RPAP1: variants seen among roughly 807,000 people sequenced by gnomAD.
The protein encoded by RPAP1 is RNA polymerase II associated protein 1.
RPAP1 carries 109 observed loss-of-function variants against 142.4 expected under a neutral mutation model. The observed-to-expected ratio is 0.77, with a 90% CI of 0.66 to 0.90. The LOEUF (loss-of-function observed/expected upper bound fraction) is 0.90. Among genes scored for constraint, RPAP1 ranks in the 40% least tolerant of loss-of-function variants. The pLI, the probability that RPAP1 is intolerant of heterozygous loss-of-function variation, is 0.00. For missense variants in RPAP1, 1,546 were observed against 1,751.7 expected (o/e 0.88, Z 2.10); for synonymous variants, 704 against 738.9 (o/e 0.95, Z 0.77).
rs1220704217 is a variant in RPAP1 at position 41,523,810 on chromosome 15, C to A, written c.2397G>T (p.Leu799=). Residue 799 remains leucine (L), a synonymous_variant, in exon 17 of 25, where the codon CTG becomes CTT. Transcript: ENST00000304330. ...RAVGPVPVAC[L]LFLGAYYQAW... is the part of the protein sequence containing the mutation. ...CCTGGTAGTAGGCTCCCAGGAACAA[C>A]AGGCAGGCAACGGGCACTGGGCCCA... 4 of 1,608,806 alleles carry A rather than the reference C, an allele frequency of 2.5e-6. No homozygotes were observed. The highest frequency in any genetic ancestry group is 1.1e-5 in the South Asian group (1 of 89,898).
Position 41,522,116 on chromosome 15 carries a change from G to C in RPAP1, c.2877C>G (p.Leu959=). 1.2e-6 allele frequency: 2 copies of C among 1,613,676 alleles called. No individual in the cohort carries two copies. Among genetic ancestry groups the C allele is most frequent in the Non-Finnish European group, 1.7e-6 (2 of 1,179,956 alleles). ...RHEYHLQYLA[L]ALAQKAAALQ... The stretch of plus-strand genomic sequence containing the variant: ...GACCTACCGCTTTCTGGGCCAGAGC[G>C]AGTGCCAGGTACTGCAGGTGGTACT... The change falls in exon 20 of 25, where the codon CTC becomes CTG. Residue 959 remains leucine (L), a synonymous_variant. Transcript: ENST00000304330.
At chr15:41,526,850 A>C in intron 14 of RPAP1, 48 bp downstream of exon 14, 1 of 1,538,860 alleles carries the variant, frequency 6.5e-7, no homozygotes, top group Non-Finnish European at 8.8e-7. Context: ...CTCCCAACCC[A>C]ACCCTGTCCC....
intron 17 of RPAP1, among the ~76,000 whole-genome samples, 192 bp downstream of exon 17, chr15:41,523,579 C>A (rs929340036): frequency 2.6e-5 from 4 of 152,188 alleles, no homozygotes; most frequent in African/African-American, 9.7e-5. Flanking sequence ...TCTCTGGTCC[C>A]CACCAACATG....
At chr15:41,526,178 G>A (rs2051788370) in intron 14 of RPAP1, among the ~76,000 whole-genome samples, 1 of 152,150 alleles carries the variant, frequency 6.6e-6, no homozygotes, top group Non-Finnish European at 1.5e-5. Flanking sequence ...TCGAACTCCT[G>A]ACCTCAAGTG....
chr15:41,537,098 A>C lies in RPAP1; in HGVS notation c.28T>G (p.Ser10Ala), dbSNP rs750035755. The C allele has an allele frequency of 6.2e-7, 1 of 1,613,508 alleles. No individual in the cohort carries two copies. The highest frequency in any genetic ancestry group is 8.5e-7 in the Non-Finnish European group (1 of 1,179,918). The change falls in exon 2 of 25, where the codon TCC becomes GCC. Residue 10 changes from serine to alanine, a missense_variant. Physicochemically the swap from Ser to Ala is moderately conservative, Grantham distance 99. Coordinates refer to ENST00000304330, the MANE Select transcript of RPAP1 (RefSeq NM_015540.4). MLSRPKPGE[S>A]EVDLLHFQSQ... ...TGGAAGTGCAGCAGGTCCACCTCGG[A>C]CTCCCCTGGCTTCGGTCTCGACAGC...
In RPAP1 at chr15:41,537,153, C is replaced by A. The variant is rs112599414; in HGVS notation, c.-28G>T. 1 of 1,604,808 alleles carries A rather than the reference C, an allele frequency of 6.2e-7. No homozygotes were observed. ...TGCTGCTCCAGCTGCCTCCCCAGTA[C>A]GACTCTCTCCAGCAGTGTCTCCGTG... On this transcript the variant is annotated 5_prime_UTR_variant, in exon 2 of 25. Coordinates refer to ENST00000304330, the MANE Select transcript of RPAP1 (RefSeq NM_015540.4).
rs754132448 is a variant in RPAP1 at position 41,529,914 on chromosome 15, G to T, written c.1009C>A (p.Leu337Ile). 3.1e-6 allele frequency: 5 copies of T among 1,613,842 alleles called. No individual in the cohort carries two copies. The highest frequency in any genetic ancestry group is 4.2e-6 in the Non-Finnish European group (5 of 1,179,840). Residue 337 changes from leucine (L) to isoleucine (I), a missense_variant, in exon 8 of 25, where the codon CTC (leucine) becomes ATC (isoleucine). By Grantham distance (5) the Leu-to-Ile change is conservative. This residue lies in a region of RPAP1 where 1,333 missense variants were observed against 1,486.6 expected (regional missense o/e 0.90). Transcript: ENST00000304330. Reference sequence around the variant, plus strand: ...GGGGGCAAGTCCTGGGTCCAGTGGAGCTTCTCCAGCTCGACAGTGTCCATG... The same window carrying T: ...GGGGGCAAGTCCTGGGTCCAGTGGATCTTCTCCAGCTCGACAGTGTCCATG... ...LHMDTVELEK[L>I]HWTQDLPPVR... is the part of the protein sequence containing the mutation.
Position 41,517,541 on chromosome 15 carries a change from C to T in RPAP1, c.*1G>A. On this transcript the variant is annotated 3_prime_UTR_variant, in exon 25 of 25. Coordinates refer to ENST00000304330, the MANE Select transcript of RPAP1 (RefSeq NM_015540.4). ...CCATCTTTCCATCTATATCAACTATCCTAGGTCTCTGATACCCCATTTTGG... is the reference window on the plus strand; with the variant it reads ...CCATCTTTCCATCTATATCAACTATTCTAGGTCTCTGATACCCCATTTTGG... 1 of 1,554,494 alleles carries T rather than the reference C, an allele frequency of 6.4e-7. No individual in the cohort carries two copies. Among genetic ancestry groups the T allele is most frequent in the Non-Finnish European group, 8.7e-7 (1 of 1,151,044 alleles).
At chr15:41,525,666 A>T (rs934595636) in intron 14 of RPAP1, among the ~76,000 whole-genome samples, 5 of 136,390 alleles carry the variant, frequency 3.7e-5, no homozygotes, top group Admixed American at 7.5e-5. Flanking sequence ...TATTATTATT[A>T]TTTTTTTAGA....
At position 41,517,538 on chromosome 15, in the gene RPAP1, T is replaced by C; in HGVS notation, c.*4A>G. The C allele has an allele frequency of 6.5e-7, 1 of 1,541,000 alleles. No individual in the cohort carries two copies. Among genetic ancestry groups the C allele is most frequent in the Non-Finnish European group, 8.7e-7 (1 of 1,144,530 alleles). On this transcript the variant is annotated 3_prime_UTR_variant, in exon 25 of 25. Transcript: ENST00000304330. ...TACCCATCTTTCCATCTATATCAACTATCCTAGGTCTCTGATACCCCATTT... is the reference window on the plus strand; with the variant it reads ...TACCCATCTTTCCATCTATATCAACCATCCTAGGTCTCTGATACCCCATTT...
At chr15:41,524,352 G>A (rs546560182) in intron 15 of RPAP1, 98 bp from the exon 16 acceptor site, 2 of 1,045,930 alleles carry the variant, frequency 1.9e-6, no homozygotes, top group South Asian at 4.5e-5. Context: ...GTTTGATAAA[G>A]GAGGATGAGG....
Position 41,523,285 on chromosome 15 carries a change from G to A in RPAP1, c.2506C>T (p.Leu836=). ...AGGCTGCCCAGTGTGGGCTGACTCA[G>A]CAGTGGCAGCAGCAGCTCCTCTGAC... ...RLSEELLLPL[L]SQPTLGSLWD... Residue 836 remains leucine, a synonymous_variant, in exon 18 of 25, where the codon CTG becomes TTG. Transcript: ENST00000304330. The A allele has an allele frequency of 6.2e-7, 1 of 1,612,372 alleles. No individual in the cohort carries two copies. The highest frequency in any genetic ancestry group is 1.3e-5 in the African/African-American group (1 of 74,998).
At position 41,530,940 on chromosome 15, in the gene RPAP1, CTT is replaced by C. The variant is rs1047112975; in HGVS notation, c.943+81_943+82del. On this transcript the variant is annotated intron_variant, in intron 7 of 24. Coordinates refer to ENST00000304330, the MANE Select transcript of RPAP1 (RefSeq NM_015540.4). ...TGTCCAAAAGCACAGAAGCTTCTCT[CTT>C]CTCTCATTTGCCAGGCCTAGGAAAA... The C allele has an allele frequency of 3.0e-6, 4 of 1,352,730 alleles. No homozygotes were observed. The Admixed American group carries it at 6.3e-5, about 21-fold the overall frequency. The allele number at this position is 1,352,730 out of a possible 1,614,324, so 83.8% of individuals were successfully genotyped here. A position where few individuals can be genotyped will look rare whatever the true frequency, so the allele number is the denominator to read the frequency against.
intron 19 of RPAP1, chr15:41,522,550 C>A: frequency 1.8e-6 from 1 of 566,712 alleles, no homozygotes. Flanking sequence ...GCCATCATGC[C>A]TGGCTAATTT....
In RPAP1 at chr15:41,531,495, A is replaced by ATG. The variant is rs553989337; in HGVS notation, c.764-295_764-294dup. 1.5e-4 allele frequency among the ~76,000 whole-genome samples: 22 copies of ATG among 151,642 alleles called. No homozygotes were observed. The South Asian group carries it at 3.6e-3, about 25-fold the overall frequency. ...CCTTTGGTTTCAGGTCACAGTTCCA[A>ATG]TGTAAGTGGCTGTAGAATGAATAAG... On this transcript the variant is annotated intron_variant, in intron 6 of 24. Transcript: ENST00000304330.
Position 41,522,748 on chromosome 15 carries a change from A to G in RPAP1, c.2742+17T>C. ...TTGGCCCCTTGCCTGGCCCCTAATC[A>G]GGCACCCCACACTTACCTGGCCACA... On this transcript the variant is annotated intron_variant, in intron 19 of 24. Transcript: ENST00000304330. 6.5e-7 allele frequency: 1 copy of G among 1,530,542 alleles called. No individual in the cohort carries two copies. The highest frequency in any genetic ancestry group is 8.7e-7 in the Non-Finnish European group (1 of 1,151,252). 94.8% of individuals were successfully genotyped at this position (1,530,542 alleles called of 1,614,324 possible).
At chr15:41,529,096 G>A (rs965940768) in intron 9 of RPAP1, among the ~76,000 whole-genome samples, 1 of 152,196 alleles carries the variant, frequency 6.6e-6, no homozygotes, top group African/African-American at 2.4e-5. Context: ...CAGCACTTTG[G>A]GAGGCCGAGG....
Position 41,518,034 on chromosome 15 carries a change from A to C in RPAP1, c.3944T>G (p.Phe1315Cys). ...YAVAVAHVNS[F>C]IFSQDPQSSD... is the part of the protein sequence containing the mutation. ...GCTCTGTGGGTCCTGAGAGAAGATG[A>C]AGCTATTGACATGAGCCACAGCCAC... Residue 1315 changes from phenylalanine to cysteine, a missense_variant, in exon 23 of 25, where the codon TTC becomes TGC. Phe to Cys is a radical substitution (Grantham distance 205, BLOSUM62 -2). This residue lies in a region of RPAP1 where 210 missense variants were observed against 248.0 expected (regional missense o/e 0.85). Coordinates refer to ENST00000304330, the MANE Select transcript of RPAP1 (RefSeq NM_015540.4). 5 of 1,614,098 alleles carry C rather than the reference A, an allele frequency of 3.1e-6. No individual in the cohort carries two copies. The highest frequency in any genetic ancestry group is 4.2e-6 in the Non-Finnish European group (5 of 1,180,000).
In RPAP1 at chr15:41,535,510, AC is replaced by A; in HGVS notation, c.541+1del. The stretch of plus-strand genomic sequence containing the variant: ...GCCCAATCCTCTTCAACCCCGGCTC[AC>A]CCTCTGGTGGGCCCACGTTGGGCAC... On this transcript the variant is annotated splice_donor_variant, in intron 5 of 24. Transcript: ENST00000304330. LOFTEE classifies it high-confidence loss of function. 1.2e-6 allele frequency: 2 copies of A among 1,600,392 alleles called. No homozygotes were observed. The highest frequency in any genetic ancestry group is 1.7e-6 in the Non-Finnish European group (2 of 1,176,302).
Sources: allele counts gnomAD v4.1 joint callset (sites outside exome capture counted in the v4.1 genomes callset), GRCh38; gene constraint gnomAD v4.1.1; regional missense constraint gnomAD v4.1.1; transcripts MANE v1.5; gene names NCBI Gene and HGNC (gene_info 2026-07-23, HGNC 2026-07-21).